PPP1R16B: variants seen among roughly 807,000 people sequenced by gnomAD.
PPP1R16B encodes protein phosphatase 1 regulatory inhibitor subunit 16B.
In PPP1R16B, 14 loss-of-function variants were observed where a neutral mutation model predicts 61.7. That is an observed-to-expected ratio of 0.23 (90% CI 0.15 to 0.35). PPP1R16B has a LOEUF of 0.35. Ranked by LOEUF, PPP1R16B falls within the 10% of genes least tolerant of loss-of-function variation. The probability of loss-of-function intolerance (pLI) is 1.00; values close to 1 mark genes in which losing one functional copy is unlikely to be tolerated. For synonymous variants in PPP1R16B, 266 were observed against 305.3 expected, an observed-to-expected ratio of 0.87 and a Z score of 1.34; for missense variants, 547 against 752.5, an observed-to-expected ratio of 0.73 and a Z score of 3.19.
At chr20:38,854,896 C>T (rs550781015) in intron 2 of PPP1R16B, among the ~76,000 whole-genome samples, 1 of 152,216 alleles carries the variant, frequency 6.6e-6, no homozygotes, top group Non-Finnish European at 1.5e-5. Flanking sequence ...GCCATAACTA[C>T]TCCCATTTTC....
chr20:38,830,790 A>C (rs1221194259), intron 1 of PPP1R16B, among the ~76,000 whole-genome samples: 1 of 152,192 alleles, frequency 6.6e-6, no homozygotes, highest in Non-Finnish European at 1.5e-5. Flanking sequence ...TGTACTTTTG[A>C]AAATTTCCTT....
chr20:38,851,184 G>A (rs992335412), intron 2 of PPP1R16B, among the ~76,000 whole-genome samples: 1 of 151,832 alleles, frequency 6.6e-6, no homozygotes, highest in African/African-American at 2.4e-5. Flanking sequence ...AAAAAAGCTG[G>A]CTGGGCATAG....
intron 1 of PPP1R16B, among the ~76,000 whole-genome samples, chr20:38,813,816 A>G (rs2084717845): frequency 6.9e-6 from 1 of 145,550 alleles, no homozygotes; most frequent in Non-Finnish European, 1.5e-5. Context: ...TATTATTTTG[A>G]GACACAGTCT....
In PPP1R16B at chr20:38,917,240, G is replaced by A. The variant is rs1290299285; in HGVS notation, c.1195-917G>A. 3.3e-5 allele frequency among the ~76,000 whole-genome samples: 5 copies of A among 150,390 alleles called. No homozygotes were observed. In the South Asian group the frequency reaches 6.3e-4, roughly 19 times the overall value. Reference sequence around the variant, plus strand: ...GAACCCGGGAGGCAGAGGTTGCGGTGAGCAGAGATTGCGCCACTGCACTCC... The same window carrying A: ...GAACCCGGGAGGCAGAGGTTGCGGTAAGCAGAGATTGCGCCACTGCACTCC... On this transcript the variant is annotated intron_variant, in intron 10 of 10. Transcript: ENST00000299824.
At chr20:38,881,414 A>G (rs537961147) in intron 2 of PPP1R16B, among the ~76,000 whole-genome samples, 41 of 152,246 alleles carry the variant, frequency 2.7e-4, no homozygotes, top group Admixed American at 4.6e-4. Context: ...TGGCGTTATC[A>G]GAGCAGAGGG....
chr20:38,812,472 A>T (rs2084707544), intron 1 of PPP1R16B, among the ~76,000 whole-genome samples: 1 of 152,174 alleles, frequency 6.6e-6, no homozygotes, highest in Non-Finnish European at 1.5e-5. Context: ...TCTGCCTGAT[A>T]ACTTGAAGCT....
chr20:38,914,479 G>T (rs1568687269), intron 10 of PPP1R16B, among the ~76,000 whole-genome samples: 1 of 152,112 alleles, frequency 6.6e-6, no homozygotes, highest in East Asian at 1.9e-4. Flanking sequence ...GGTCAATTGT[G>T]TTCTTATTTG....
chr20:38,849,035 G>A (rs1225915731), intron 2 of PPP1R16B, among the ~76,000 whole-genome samples: 2 of 152,080 alleles, frequency 1.3e-5, no homozygotes, highest in East Asian at 1.9e-4. Context: ...TTTTCTAAGC[G>A]GGCAAATAGC....
At chr20:38,862,473 C>A (rs1221401411) in intron 2 of PPP1R16B, among the ~76,000 whole-genome samples, 1 of 152,108 alleles carries the variant, frequency 6.6e-6, no homozygotes, top group African/African-American at 2.4e-5. Context: ...CCGACACAAC[C>A]CTACCACCTA....
chr20:38,885,057 A>AAAAAAAG (rs1555806870), intron 2 of PPP1R16B, among the ~76,000 whole-genome samples: 2 of 142,568 alleles, frequency 1.4e-5, no homozygotes, highest in Admixed American at 7.5e-5. Flanking sequence ...AAAAAAAAAA[A>AAAAAAAG]AAGAAGAAGA....
chr20:38,909,642 C>T (rs1199276549), intron 10 of PPP1R16B, among the ~76,000 whole-genome samples: 1 of 152,198 alleles, frequency 6.6e-6, no homozygotes, highest in African/African-American at 2.4e-5. Context: ...AGAGTTTAGC[C>T]TTGGTGGGAT....
At chr20:38,896,133 TCCC>T (rs2085345115) in intron 4 of PPP1R16B, among the ~76,000 whole-genome samples, 5 of 85,402 alleles carry the variant, frequency 5.9e-5, no homozygotes, top group Non-Finnish European at 1.2e-4. Flanking sequence ...CTTCCCTTCC[TCCC>T]TCCTTTCCTT....
intron 2 of PPP1R16B, among the ~76,000 whole-genome samples, chr20:38,867,691 G>A (rs548293111): frequency 2.6e-5 from 4 of 151,516 alleles, no homozygotes; most frequent in South Asian, 2.1e-4. Flanking sequence ...TTTTCCCCCC[G>A]AGATGGAGTC....
intron 3 of PPP1R16B, 110 bp downstream of exon 3, chr20:38,889,775 A>T (rs2085278687): frequency 8.8e-7 from 1 of 1,135,140 alleles, no homozygotes; most frequent in South Asian, 1.3e-5. Context: ...GGAATGAGGG[A>T]GGGAGGAGGA....
rs961609067 is a variant in PPP1R16B, at chr20:38,919,616, A to G, written c.*950A>G. 1 of 152,144 alleles carries G rather than the reference A, an allele frequency of 6.6e-6. No individual in the cohort carries two copies. Among genetic ancestry groups the G allele is most frequent in the African/African-American group, 2.4e-5 (1 of 41,436 alleles). The allele number at this position is 152,144 out of a possible 1,614,324, so 9.4% of individuals were successfully genotyped here. A position where few individuals can be genotyped will look rare whatever the true frequency, so the allele number is the denominator to read the frequency against. ...GATCGTATCAAGGTCACTGGGTTTTACTGGCTGGTGCTGGGAAAATGAAGC... is the reference window on the plus strand; with the variant it reads ...GATCGTATCAAGGTCACTGGGTTTTGCTGGCTGGTGCTGGGAAAATGAAGC... On this transcript the variant is annotated 3_prime_UTR_variant, in exon 11 of 11. Coordinates refer to ENST00000299824, the MANE Select transcript of PPP1R16B (RefSeq NM_015568.4).
chr20:38,908,236 G>A (rs887669448), intron 10 of PPP1R16B, 43 bp downstream of exon 10: 6 of 1,610,012 alleles, frequency 3.7e-6, no homozygotes, highest in African/African-American at 2.7e-5. Flanking sequence ...CCACTGCAAT[G>A]GGAGGAGAAC....
intron 2 of PPP1R16B, among the ~76,000 whole-genome samples, chr20:38,877,948 A>C (rs1262240257): frequency 8.6e-6 from 1 of 115,818 alleles, no homozygotes; most frequent in South Asian, 2.9e-4. Flanking sequence ...AGCAGCACAC[A>C]GTTGTTTTTT....
At chr20:38,906,956 A>G in intron 7 of PPP1R16B, 23 bp from the exon 8 acceptor site, 18 of 1,608,920 alleles carry the variant, frequency 1.1e-5, no homozygotes, top group Non-Finnish European at 1.4e-5. Flanking sequence ...AGGGGGACAC[A>G]TGAGCTTCTT....
intron 1 of PPP1R16B, among the ~76,000 whole-genome samples, chr20:38,827,008 G>C (rs187863669): frequency 6.6e-6 from 1 of 152,206 alleles, no homozygotes; most frequent in Non-Finnish European, 1.5e-5. Context: ...GGAATGGAGT[G>C]GTGTCATCAT....
Sources: allele counts gnomAD v4.1 joint callset (sites outside exome capture counted in the v4.1 genomes callset), GRCh38; gene constraint gnomAD v4.1.1; transcripts MANE v1.5; gene names NCBI Gene and HGNC (gene_info 2026-07-23, HGNC 2026-07-21).